The following CNTNAP2 variants were observed in gnomAD, a reference collection of about 807,000 sequenced individuals.
CNTNAP2 encodes contactin-associated protein-like 2.
A neutral mutation model predicts 155.2 loss-of-function variants in CNTNAP2; 98 were observed. The ratio of observed to expected loss-of-function variants is 0.63; its 90% CI spans 0.54 to 0.75. The LOEUF (loss-of-function observed/expected upper bound fraction) is 0.75. CNTNAP2 is among the 30% of genes least tolerant of loss of function. The pLI is 0.00. For missense variants in CNTNAP2, 1,727 were observed against 1,688.1 expected, an observed-to-expected ratio of 1.02 and a Z score of -0.40; for synonymous variants, 651 against 631.2, an observed-to-expected ratio of 1.03 and a Z score of -0.47.
chr7:146,910,277 C>T (rs1318608783), intron 3 of CNTNAP2, among the ~76,000 whole-genome samples: 1 of 149,530 alleles, frequency 6.7e-6, no homozygotes, highest in Non-Finnish European at 1.5e-5. Flanking sequence ...CTACCAATGA[C>T]TTTCTTCACA....
intron 8 of CNTNAP2, among the ~76,000 whole-genome samples, chr7:147,221,552 T>G (rs1803399248): frequency 1.3e-5 from 2 of 152,074 alleles, no homozygotes; most frequent in Admixed American, 1.3e-4. Context: ...CCACCAGCCC[T>G]CCCTAGGACC....
intron 8 of CNTNAP2, among the ~76,000 whole-genome samples, chr7:147,155,913 T>C (rs972837636): frequency 6.6e-6 from 1 of 152,126 alleles, no homozygotes; most frequent in Non-Finnish European, 1.5e-5. Flanking sequence ...CCATGTGTGC[T>C]AATATATCTC....
At chr7:147,679,846 A>G (rs1322575822) in intron 13 of CNTNAP2, among the ~76,000 whole-genome samples, 1 of 152,022 alleles carries the variant, frequency 6.6e-6, no homozygotes, top group Non-Finnish European at 1.5e-5. Flanking sequence ...CTCCTTAAAA[A>G]TAAACCCCAA....
intron 4 of CNTNAP2, among the ~76,000 whole-genome samples, chr7:147,065,632 TC>T (rs1194057941): frequency 4.6e-5 from 7 of 152,198 alleles, no homozygotes; most frequent in Non-Finnish European, 1.0e-4. Flanking sequence ...ATGTTCAGTT[TC>T]CCTTGTATCT....
chr7:146,810,786 C>G (rs912462562), intron 2 of CNTNAP2, among the ~76,000 whole-genome samples: 1 of 151,850 alleles, frequency 6.6e-6, no homozygotes, highest in Non-Finnish European at 1.5e-5. Flanking sequence ...CATGTATAGC[C>G]TTTGTTATGT....
At chr7:147,191,981 G>T (rs1278938965) in intron 8 of CNTNAP2, among the ~76,000 whole-genome samples, 2 of 152,178 alleles carry the variant, frequency 1.3e-5, no homozygotes, top group African/African-American at 4.8e-5. Flanking sequence ...TGGGAGTGGG[G>T]AGTGTATATT....
intron 15 of CNTNAP2, among the ~76,000 whole-genome samples, chr7:148,059,054 G>A (rs1206307805): frequency 6.6e-6 from 1 of 152,024 alleles, no homozygotes; most frequent in East Asian, 1.9e-4. Context: ...GCCAAGGTAG[G>A]CGGATCACTT....
intron 4 of CNTNAP2, among the ~76,000 whole-genome samples, chr7:147,093,285 A>C (rs1800455478): frequency 6.6e-6 from 1 of 151,438 alleles, no homozygotes; most frequent in Non-Finnish European, 1.5e-5. Flanking sequence ...TACGTATGTC[A>C]GATGATACAA....
chr7:146,740,016 C>T (rs1334822073), intron 1 of CNTNAP2, among the ~76,000 whole-genome samples: 1 of 152,010 alleles, frequency 6.6e-6, no homozygotes, highest in Non-Finnish European at 1.5e-5. Flanking sequence ...TATTCAATTT[C>T]AGTCTATGTG....
At chr7:147,080,949 G>A (rs1406878148) in intron 4 of CNTNAP2, 1 of 151,740 alleles carries the variant, frequency 6.6e-6, no homozygotes, top group Non-Finnish European at 1.5e-5. Context: ...ACATAATATT[G>A]TTTATTTCTC....
intron 1 of CNTNAP2, among the ~76,000 whole-genome samples, chr7:146,709,054 A>T (rs949645976): frequency 6.6e-6 from 1 of 152,244 alleles, no homozygotes; most frequent in African/African-American, 2.4e-5. Flanking sequence ...GATAAAGTCA[A>T]CCACAGTTAG....
chr7:146,190,489 T>C (rs1054124166), intron 1 of CNTNAP2, among the ~76,000 whole-genome samples: 1 of 152,186 alleles, frequency 6.6e-6, no homozygotes, highest in Non-Finnish European at 1.5e-5. Context: ...GGGCCCTTTT[T>C]CACCATTGCT....
At chr7:147,463,694 G>A (rs146416184) in intron 10 of CNTNAP2, among the ~76,000 whole-genome samples, 3 of 152,098 alleles carry the variant, frequency 2.0e-5, no homozygotes, top group African/African-American at 7.2e-5. Context: ...AACCGTATCT[G>A]TCACAAATGG....
chr7:146,889,775 A>G (rs944790727), intron 3 of CNTNAP2, among the ~76,000 whole-genome samples: 7 of 152,132 alleles, frequency 4.6e-5, no homozygotes, highest in Non-Finnish European at 1.0e-4. Context: ...TTATATTATC[A>G]TATAAATTAC....
At chr7:148,120,176 C>T (rs975738947) in intron 16 of CNTNAP2, among the ~76,000 whole-genome samples, 3 of 147,792 alleles carry the variant, frequency 2.0e-5, no homozygotes, top group Non-Finnish European at 3.0e-5. Context: ...TGTAAAGCCA[C>T]GCCTGGGTAA....
chr7:146,851,650 CTGTG>C (rs71165041), intron 3 of CNTNAP2, among the ~76,000 whole-genome samples: 10,168 of 132,756 alleles, frequency 0.077, 412 homozygotes, highest in Middle Eastern at 0.12. Flanking sequence ...CATCTTTCTT[CTGTG>C]TGTGTGTGTG....
At chr7:146,492,513 T>C (rs1235245029) in intron 1 of CNTNAP2, among the ~76,000 whole-genome samples, 1 of 152,172 alleles carries the variant, frequency 6.6e-6, no homozygotes, top group African/African-American at 2.4e-5. Flanking sequence ...GTAAATCTTT[T>C]CATATCTTCT....
intron 3 of CNTNAP2, among the ~76,000 whole-genome samples, chr7:146,981,864 A>G (rs1798024571): frequency 6.6e-6 from 1 of 152,176 alleles, no homozygotes; most frequent in African/African-American, 2.4e-5. Context: ...CCTTATATTG[A>G]AAAGGGCCGG....
intron 15 of CNTNAP2, among the ~76,000 whole-genome samples, chr7:147,979,941 C>T (rs1390495888): frequency 6.6e-6 from 1 of 152,006 alleles, no homozygotes; most frequent in Admixed American, 6.6e-5. Context: ...ACTTTTATTA[C>T]CATTCTTAAA....
Sources: gnomAD v4.1 joint callset for allele counts (sites outside exome capture counted in the v4.1 genomes callset) on GRCh38, gnomAD v4.1.1 for gene constraint, MANE v1.5 for transcripts, NCBI Gene and HGNC (gene_info 2026-07-23, HGNC 2026-07-21) for gene names.